AR: variants seen among roughly 807,000 people sequenced by gnomAD.
AR encodes dihydrotestosterone receptor.
Under a neutral mutation model 53.9 loss-of-function variants are expected in AR, and 8 were observed. The ratio of observed to expected loss-of-function variants is 0.15; its 90% CI spans 0.09 to 0.27. The LOEUF (loss-of-function observed/expected upper bound fraction) is 0.27. AR is among the 10% of genes least tolerant of loss of function. AR has a pLI of 1.00. For synonymous variants in AR, 359 were observed against 316.4 expected (o/e 1.13, Z -1.43); for missense variants, 639 against 742.5 (o/e 0.86, Z 1.62).
intron 2 of AR, among the ~76,000 whole-genome samples, chrX:67,656,895 C>A (rs538463416): frequency 2.8e-5 from 3 of 108,549 alleles, no homozygotes; most frequent in African/African-American, 1.0e-4. Context: ...GTCATTCTCT[C>A]AAAGATCTTA....
chrX:67,601,005 T>G (rs1301168041), intron 1 of AR, among the ~76,000 whole-genome samples: 1 of 111,737 alleles, frequency 8.9e-6, no homozygotes, highest in Admixed American at 9.5e-5. Context: ...AAAAAGAAGA[T>G]TCTTCCTTCT....
intron 1 of AR, among the ~76,000 whole-genome samples, chrX:67,589,219 C>T (rs1410075963): frequency 2.8e-5 from 3 of 107,433 alleles, no homozygotes; most frequent in Non-Finnish European, 5.8e-5. Context: ...GCCGAGATTG[C>T]GCCACTGCAG....
intron 3 of AR, among the ~76,000 whole-genome samples, chrX:67,703,157 G>GT (rs1429697531): frequency 8.9e-6 from 1 of 111,836 alleles, no homozygotes; most frequent in Non-Finnish European, 1.9e-5. Flanking sequence ...ATGAGAGCAG[G>GT]TTTTGTTGTA....
intron 1 of AR, among the ~76,000 whole-genome samples, chrX:67,559,081 C>T (rs1391843866): frequency 1.8e-5 from 2 of 112,345 alleles, no homozygotes; most frequent in South Asian, 3.7e-4. Context: ...TGTGCCTGAA[C>T]TTCAAACACT....
At chrX:67,626,598 G>A (rs1413212737) in intron 1 of AR, among the ~76,000 whole-genome samples, 1 of 82,326 alleles carries the variant, frequency 1.2e-5, no homozygotes, top group Non-Finnish European at 2.4e-5. Flanking sequence ...CCGCCACCAT[G>A]CCCGACTAAT....
chrX:67,572,742 G>A, intron 1 of AR, among the ~76,000 whole-genome samples: 1 of 111,239 alleles, frequency 9.0e-6, no homozygotes, highest in Non-Finnish European at 1.9e-5. Context: ...TAAGCCTTGA[G>A]ATTACTTCTT....
chrX:67,583,423 C>G (rs774111013), intron 1 of AR, among the ~76,000 whole-genome samples: 1 of 111,978 alleles, frequency 8.9e-6, no homozygotes, highest in East Asian at 2.8e-4. Context: ...CTAGATACAA[C>G]AGCTCTTTGG....
In AR at chrX:67,546,496, TGGTGGTGGTGGG is replaced by T. The variant is rs1236286811; in HGVS notation, c.1359_1370del (p.Gly470_Gly473del). The T allele has an allele frequency of 2.1e-6, 2 of 958,305 alleles. No individual in the cohort carries two copies. The highest frequency in any genetic ancestry group is 2.2e-5 in the African/African-American group (1 of 44,597). 79.0% of individuals were successfully genotyped at this position (958,305 alleles called of 1,213,427 possible). Reference sequence around the variant, plus strand: ...AAGAAGGCCAGTTGTATGGACCGTGTGGTGGTGGTGGGGGTGGTGGCGGCGGCGGCGGCGGCG... The same window carrying T: ...AAGAAGGCCAGTTGTATGGACCGTGTGGTGGTGGCGGCGGCGGCGGCGGCG... On this transcript the variant is annotated inframe_deletion, in exon 1 of 8. Transcript: ENST00000374690.
At chrX:67,620,229 A>G (rs183571406) in intron 1 of AR, among the ~76,000 whole-genome samples, 129 of 110,471 alleles carry the variant, frequency 1.2e-3, no homozygotes, top group African/African-American at 4.1e-3. Context: ...CCTGCCACAG[A>G]CAAAGTCACA....
intron 2 of AR, among the ~76,000 whole-genome samples, chrX:67,676,784 T>C (rs1320821804): frequency 8.9e-6 from 1 of 111,876 alleles, no homozygotes; most frequent in Non-Finnish European, 1.9e-5. Context: ...TTGTAAGTTA[T>C]AAATGTATGG....
chrX:67,617,944 G>A (rs1924196570), intron 1 of AR, among the ~76,000 whole-genome samples: 1 of 111,853 alleles, frequency 8.9e-6, no homozygotes, highest in Non-Finnish European at 1.9e-5. Flanking sequence ...TGCCAGAGAC[G>A]ACATGATAAC....
Position 67,545,326 on chromosome X carries a change from G to T in AR, c.180G>T (p.Gln60His), listed in dbSNP as rs777027387. 1.2e-6 allele frequency: 1 copy of T among 860,180 alleles called. No individual in the cohort carries two copies. The highest frequency in any genetic ancestry group is 1.5e-6 in the Non-Finnish European group (1 of 657,602). 70.9% of individuals were successfully genotyped at this position (860,180 alleles called of 1,213,427 possible). Residue 60 changes from glutamine (Q) to histidine (H), a missense_variant, in exon 1 of 8, where the codon CAG (glutamine) becomes CAT (histidine). Coordinates refer to ENST00000374690, the MANE Select transcript of AR (RefSeq NM_000044.6). ...PGASLLLLQQ[Q>H]QQQQQQQQQQ... ...CCAGTTTGCTGCTGCTGCAGCAGCA[G>T]CAGCAGCAGCAGCAGCAGCAGCAGC...
intron 2 of AR, 185 bp from the exon 3 acceptor site, chrX:67,685,825 A>C (rs2147497019): frequency 3.2e-6 from 2 of 620,202 alleles, no homozygotes; most frequent in Admixed American, 3.9e-5. Context: ...CAAACAATAT[A>C]GTGCCAAATT....
chrX:67,563,451 C>T (rs932074296), intron 1 of AR, among the ~76,000 whole-genome samples: 1 of 111,497 alleles, frequency 9.0e-6, no homozygotes, highest in Non-Finnish European at 1.9e-5. Flanking sequence ...ATATCTAGCC[C>T]AGGGCCTGGT....
At chrX:67,627,043 G>C (rs1924704328) in intron 1 of AR, among the ~76,000 whole-genome samples, 1 of 107,600 alleles carries the variant, frequency 9.3e-6, no homozygotes, top group East Asian at 2.9e-4. Flanking sequence ...TTGGACATTT[G>C]GGTTGGTTCC....
intron 2 of AR, 67 bp downstream of exon 2, chrX:67,643,474 C>A (rs140677514): frequency 4.5e-6 from 5 of 1,117,130 alleles, no homozygotes; most frequent in East Asian, 6.4e-5. Context: ...AGACACTAAC[C>A]TTTCAGGGCC....
At chrX:67,582,674 A>C (rs761362367) in intron 1 of AR, among the ~76,000 whole-genome samples, 39 of 111,808 alleles carry the variant, frequency 3.5e-4, no homozygotes, top group African/African-American at 1.3e-3. Flanking sequence ...ATCAAAAATA[A>C]TTGTACCAGT....
rs1281276981 is a variant in AR, at chrX:67,568,362, G to A, written c.1616+21600G>A. On this transcript the variant is annotated intron_variant, in intron 1 of 7. Transcript: ENST00000374690. ...GGTCAGTTCCCTTTCGTATGGACTGGGCAACTGAAACCCAGACAGGGAAGG... is the reference window on the plus strand; with the variant it reads ...GGTCAGTTCCCTTTCGTATGGACTGAGCAACTGAAACCCAGACAGGGAAGG... Among the ~76,000 whole-genome samples the A allele has an allele frequency of 5.4e-5, 6 of 111,438 alleles. No individual in the cohort carries two copies. The Admixed American group carries it at 5.7e-4, about 11-fold the overall frequency.
At chrX:67,634,932 T>G (rs930520056) in intron 1 of AR, among the ~76,000 whole-genome samples, 1 of 110,878 alleles carries the variant, frequency 9.0e-6, no homozygotes, top group African/African-American at 3.3e-5. Flanking sequence ...TCGACCTCTT[T>G]TAGTTTGAAA....
Sources: allele counts gnomAD v4.1 joint callset (sites outside exome capture counted in the v4.1 genomes callset), GRCh38; gene constraint gnomAD v4.1.1; transcripts MANE v1.5; gene names NCBI Gene and HGNC (gene_info 2026-07-23, HGNC 2026-07-21).